Variants in ZNF541 observed in about 807,000 individuals in gnomAD.
The protein encoded by ZNF541 is zinc finger protein 541.
ZNF541 carries 23 observed loss-of-function variants against 123.5 expected under a neutral mutation model. That is an observed-to-expected ratio of 0.19 (90% CI 0.13 to 0.26). The LOEUF is 0.26. Among genes scored for constraint, ZNF541 ranks in the 10% least tolerant of loss-of-function variants. ZNF541 has a pLI of 1.00. For synonymous variants in ZNF541, 751 were observed against 754.5 expected, an observed-to-expected ratio of 1.00 and a Z score of 0.08; for missense variants, 1,612 against 1,789.9, an observed-to-expected ratio of 0.90 and a Z score of 1.79.
At chr19:47,570,784 A>G (rs1321726998) in intron 2 of ZNF541, among the ~76,000 whole-genome samples, 1 of 151,256 alleles carries the variant, frequency 6.6e-6, no homozygotes, top group East Asian at 2.0e-4. Context: ...GGGTCTTAAG[A>G]GCAAAAGTTT....
Position 47,549,486 on chromosome 19 carries a change from C to G in ZNF541, c.308-1G>C, listed in dbSNP as rs1250395684. ...GCCTTAAGCACACCTAGCCCCAGGT[C>G]TAAACAGAGGGAGAAAGCACAGGTT... On this transcript the variant is annotated splice_acceptor_variant, in intron 3 of 16. Transcript: ENST00000391901. LOFTEE classifies it high-confidence loss of function. The G allele has an allele frequency of 4.5e-6, 7 of 1,551,774 alleles. No individual in the cohort carries two copies. The highest frequency in any genetic ancestry group is 6.1e-6 in the Non-Finnish European group (7 of 1,147,036).
chr19:47,543,510 A>C (rs1222596742), intron 5 of ZNF541, among the ~76,000 whole-genome samples: 3 of 152,174 alleles, frequency 2.0e-5, no homozygotes, highest in African/African-American at 7.2e-5. Flanking sequence ...TAAAGGAAAG[A>C]GAGCATCTAC....
intron 14 of ZNF541, among the ~76,000 whole-genome samples, chr19:47,522,282 A>G (rs1254848068): frequency 6.6e-6 from 1 of 152,256 alleles, no homozygotes. Context: ...AGGTTGCACC[A>G]GGGATGCCAA....
intron 9 of ZNF541, 95 bp downstream of exon 9, chr19:47,538,047 G>A: frequency 7.1e-7 from 1 of 1,400,130 alleles, no homozygotes; most frequent in East Asian, 2.5e-5. Context: ...CCAGGCAGGA[G>A]ACAATCACTG....
At chr19:47,538,531 G>A (rs763014510) in intron 8 of ZNF541, 92 bp from the exon 9 acceptor site, 17 of 1,331,714 alleles carry the variant, frequency 1.3e-5, no homozygotes, top group Admixed American at 6.0e-5. Flanking sequence ...AAAGGAGACC[G>A]GCCAGAGACA....
Position 47,521,721 on chromosome 19 carries a change from G to A in ZNF541, c.3712-67C>T. On this transcript the variant is annotated intron_variant, in intron 15 of 16. Transcript: ENST00000391901. This position sits in a 1 kb window ranked among gnomAD's most constrained non-coding sequence, Gnocchi z 4.2. ...CTGCTGTAAGAGAGACACAGAGCTG[G>A]GGGCATACGTGTCTCCTGCAGGAAA... is the stretch of plus-strand genomic sequence containing the variant. 1 of 1,528,474 alleles carries A rather than the reference G, an allele frequency of 6.5e-7. No individual in the cohort carries two copies. The highest frequency in any genetic ancestry group is 8.8e-7 in the Non-Finnish European group (1 of 1,132,536). The allele number at this position is 1,528,474 out of a possible 1,614,324, so 94.7% of individuals were successfully genotyped here.
Position 47,550,984 on chromosome 19 carries a change from G to A in ZNF541, c.308-1499C>T, listed in dbSNP as rs540792897. Among the ~76,000 whole-genome samples the A allele has an allele frequency of 2.6e-5, 4 of 152,116 alleles. No individual in the cohort carries two copies. The East Asian group carries it at 5.8e-4, about 22-fold the overall frequency. Reference sequence around the variant, plus strand: ...ACTCAATAACTGTATGTTAGATGAAGGAATAATAAAAGATTTTTCTACTTT... The same window carrying A: ...ACTCAATAACTGTATGTTAGATGAAAGAATAATAAAAGATTTTTCTACTTT... On this transcript the variant is annotated intron_variant, in intron 3 of 16. Coordinates refer to ENST00000391901, the MANE Select transcript of ZNF541 (RefSeq NM_001277075.3).
chr19:47,528,944 C>T lies in ZNF541; in HGVS notation c.3570+6G>A. 6.4e-7 allele frequency: 1 copy of T among 1,550,414 alleles called. No homozygotes were observed. The highest frequency in any genetic ancestry group is 2.4e-5 in the East Asian group (1 of 40,894). On this transcript the variant is annotated splice_donor_region_variant and intron_variant, in intron 14 of 16. Transcript: ENST00000391901. ...GGCCTTGGACACCAGCCCACATTCA[C>T]TTTACCATCTTGTGTATCAAGTAGA... is the stretch of plus-strand genomic sequence containing the variant.
intron 13 of ZNF541, 101 bp downstream of exon 13, chr19:47,529,476 G>A (rs2122934277): frequency 1.4e-5 from 17 of 1,242,318 alleles, no homozygotes; most frequent in Admixed American, 2.2e-5. Flanking sequence ...CAAAGGTCCC[G>A]AGGAGAACTC....
At position 47,545,887 on chromosome 19, in the gene ZNF541, G is replaced by A; in HGVS notation, c.642C>T (p.Arg214=). Residue 214 remains arginine (R), a synonymous_variant, in exon 5 of 17, where the codon CGC becomes CGT. Coordinates refer to ENST00000391901, the MANE Select transcript of ZNF541 (RefSeq NM_001277075.3). The surrounding 1 kb of genome is among the most constrained non-coding windows in gnomAD (Gnocchi z 7.5). ...SKSYCDYRSL[R]RHYEVHHGLC... is the part of the protein sequence containing the mutation. ...GGCCGTGATGGACCTCGTAGTGCCG[G>A]CGCAGAGAGCGGTAGTCGCAGTAGC... The A allele has an allele frequency of 6.5e-7, 1 of 1,549,038 alleles. No individual in the cohort carries two copies. The highest frequency in any genetic ancestry group is 8.7e-7 in the Non-Finnish European group (1 of 1,145,992).
Position 47,521,172 on chromosome 19 carries a change from A to AAGGG in ZNF541, c.*48_*51dup. On this transcript the variant is annotated 3_prime_UTR_variant, in exon 17 of 17. Coordinates refer to ENST00000391901, the MANE Select transcript of ZNF541 (RefSeq NM_001277075.3). The surrounding 1 kb of genome is among the most constrained non-coding windows in gnomAD (Gnocchi z 4.2). ...TGCCCCAAACGCCCTGGAGAGGCCG[A>AAGGG]AGGGAGGAGGGGCAGCACTGGAGGC... 1 of 1,532,060 alleles carries AAGGG rather than the reference A, an allele frequency of 6.5e-7. No individual in the cohort carries two copies. The allele number at this position is 1,532,060 out of a possible 1,614,324, so 94.9% of individuals were successfully genotyped here. A position where few individuals can be genotyped will look rare whatever the true frequency, so the allele number is the denominator to read the frequency against.
chr19:47,527,509 C>T (rs138245373), intron 14 of ZNF541, among the ~76,000 whole-genome samples: 111 of 151,508 alleles, frequency 7.3e-4, no homozygotes, highest in African/African-American at 2.5e-3. Context: ...AATCCTCCCA[C>T]CTCAGCCTCC....
At position 47,545,363 on chromosome 19, in the gene ZNF541, G is replaced by C. The variant is rs1231325828; in HGVS notation, c.1166C>G (p.Ser389Cys). 4 of 1,541,096 alleles carry C rather than the reference G, an allele frequency of 2.6e-6. No homozygotes were observed. The highest frequency in any genetic ancestry group is 3.5e-6 in the Non-Finnish European group (4 of 1,142,008). The change falls in exon 5 of 17, where the codon TCC (serine) becomes TGC (cysteine). Residue 389 changes from serine to cysteine, a missense_variant. Around this residue, in one of 5 missense-constraint regions of ZNF541, gnomAD observed 1,080 missense variants for 1,013.8 expected, o/e 1.07. Coordinates refer to ENST00000391901, the MANE Select transcript of ZNF541 (RefSeq NM_001277075.3). The surrounding 1 kb of genome is among the most constrained non-coding windows in gnomAD (Gnocchi z 7.5). ...STAECWPEGG[S>C]VPACLPLFRG... ...GAAGAGAGGCAGGCAGGCAGGCACG[G>C]AGCCGCCTTCGGGCCAGCACTCCGC...
intron 14 of ZNF541, 49 bp downstream of exon 14, chr19:47,528,901 C>A: frequency 6.8e-7 from 1 of 1,478,998 alleles, no homozygotes; most frequent in South Asian, 1.2e-5. Flanking sequence ...TCTAGCTTGT[C>A]TCAGCTGTGT....
rs567526784 is a variant in ZNF541 at position 47,531,871 on chromosome 19, G to A, written c.3302-126C>T. 177 of 958,050 alleles carry A rather than the reference G, an allele frequency of 1.8e-4. 3 individuals carry two copies. Among genetic ancestry groups the A allele is most frequent in the South Asian group, 1.7e-3 (103 of 59,400 alleles). 59.3% of individuals were successfully genotyped at this position (958,050 alleles called of 1,614,324 possible). ...CTTCTCTCTCCTGCATCTCAGGGAG[G>A]GACAAGGAGGAAGAGCAGAACCCTG... is the stretch of plus-strand genomic sequence containing the variant. On this transcript the variant is annotated intron_variant, in intron 11 of 16. Coordinates refer to ENST00000391901, the MANE Select transcript of ZNF541 (RefSeq NM_001277075.3).
intron 2 of ZNF541, among the ~76,000 whole-genome samples, chr19:47,560,826 A>G (rs1971032464): frequency 6.6e-6 from 1 of 152,178 alleles, no homozygotes; most frequent in Non-Finnish European, 1.5e-5. Flanking sequence ...ACATCCCTCA[A>G]TAGGTGAATG....
intron 2 of ZNF541, among the ~76,000 whole-genome samples, chr19:47,570,251 G>A (rs906738667): frequency 1.3e-5 from 2 of 151,484 alleles, no homozygotes; most frequent in East Asian, 1.9e-4. Context: ...TCCAGCCTGG[G>A]CGACAGAGCG....
chr19:47,550,052 G>A (rs1970529031), intron 3 of ZNF541, among the ~76,000 whole-genome samples: 1 of 152,054 alleles, frequency 6.6e-6, no homozygotes, highest in Non-Finnish European at 1.5e-5. Context: ...AGGAGTTCAG[G>A]ACGAGCCTGG....
In ZNF541 at chr19:47,534,040, A is replaced by G. The variant is rs142192186; in HGVS notation, c.3095-1068T>C. 9.8e-5 allele frequency among the ~76,000 whole-genome samples: 15 copies of G among 152,300 alleles called. 1 individual carries two copies. In the East Asian group the frequency reaches 2.9e-3, roughly 29 times the overall value. On this transcript the variant is annotated intron_variant, in intron 9 of 16. Coordinates refer to ENST00000391901, the MANE Select transcript of ZNF541 (RefSeq NM_001277075.3). Reference sequence around the variant, plus strand: ...GAAGGTATAATGACAATTTCTCATCATAGACAGAATATCATTAAGAGGTAG... The same window carrying G: ...GAAGGTATAATGACAATTTCTCATCGTAGACAGAATATCATTAAGAGGTAG...
Sources: gnomAD v4.1 joint callset for allele counts (sites outside exome capture counted in the v4.1 genomes callset) on GRCh38, gnomAD v4.1.1 for gene constraint, gnomAD v4.1.1 regional missense constraint, Gnocchi (gnomAD v3.1) non-coding constraint, MANE v1.5 for transcripts, NCBI Gene and HGNC (gene_info 2026-07-23, HGNC 2026-07-21) for gene names.